Variants in MITF observed in about 807,000 individuals in gnomAD.
The protein encoded by MITF is microphthalmia-associated transcription factor.
In MITF, 17 loss-of-function variants were observed where a neutral mutation model predicts 60.5. The ratio of observed to expected loss-of-function variants is 0.28; its 90% confidence interval spans 0.19 to 0.42. MITF has a LOEUF of 0.42. Ranked by LOEUF, MITF falls within the 10% of genes least tolerant of loss-of-function variation. The pLI is 1.00. For missense variants in MITF, 622 were observed against 683.5 expected (o/e 0.91, Z 1.00); for synonymous variants, 260 against 248.5 (o/e 1.05, Z -0.43).
chr3:69,967,876 G>A lies in MITF; in HGVS notation c.*2628G>A, dbSNP rs2066729530. On this transcript the variant is annotated 3_prime_UTR_variant, in exon 10 of 10. Coordinates refer to ENST00000352241, the MANE Select transcript of MITF (RefSeq NM_001354604.2). ...ACTCGGGGTTGGGCCTCTATATGGAGTGACCAAAATGCCAAAATTGTCCAT... is the reference window on the plus strand; with the variant it reads ...ACTCGGGGTTGGGCCTCTATATGGAATGACCAAAATGCCAAAATTGTCCAT... 1 of 233,268 alleles carries A rather than the reference G, an allele frequency of 4.3e-6. No individual in the cohort carries two copies. The highest frequency in any genetic ancestry group is 8.5e-6 in the Non-Finnish European group (1 of 117,946). 14.4% of individuals were successfully genotyped at this position (233,268 alleles called of 1,614,324 possible). A position where few individuals can be genotyped will look rare whatever the true frequency, so the allele number is the denominator to read the frequency against.
chr3:69,883,265 A>G (rs2064530322), intron 2 of MITF, among the ~76,000 whole-genome samples: 1 of 152,206 alleles, frequency 6.6e-6, no homozygotes, highest in Non-Finnish European at 1.5e-5. Flanking sequence ...TGTTTGTCAA[A>G]TACAGAAGCA....
chr3:69,864,324 T>C (rs1256244297), intron 1 of MITF, among the ~76,000 whole-genome samples: 2 of 152,166 alleles, frequency 1.3e-5, no homozygotes, highest in Admixed American at 1.3e-4. Flanking sequence ...GTGGGATAGG[T>C]TAGTAAGATA....
intron 1 of MITF, chr3:69,866,474 T>G: frequency 3.5e-6 from 4 of 1,158,256 alleles, no homozygotes; most frequent in South Asian, 1.5e-5. Flanking sequence ...AGCTGTTACT[T>G]CTCACTGGCT....
chr3:69,919,932 T>C (rs2065425294), intron 2 of MITF, among the ~76,000 whole-genome samples: 1 of 152,180 alleles, frequency 6.6e-6, no homozygotes, highest in Middle Eastern at 3.2e-3. Context: ...ACACCAGCTG[T>C]TCCAGTATAA....
chr3:69,886,175 C>T lies in MITF; in HGVS notation c.354+6792C>T, dbSNP rs373592372. Among the ~76,000 whole-genome samples, 102 of 152,172 alleles carry T rather than the reference C, an allele frequency of 6.7e-4. No homozygotes were observed. The South Asian group carries it at 0.019, about 28-fold the overall frequency. On this transcript the variant is annotated intron_variant, in intron 2 of 9. Coordinates refer to ENST00000352241, the MANE Select transcript of MITF (RefSeq NM_001354604.2). ...GCAATGTTCAGCCTCTCAAATGACA[C>T]GGTAGCTTGGGGCTTGTAGCAAATG...
intron 1 of MITF, among the ~76,000 whole-genome samples, chr3:69,774,222 A>G (rs2062438643): frequency 1.3e-5 from 2 of 152,188 alleles, no homozygotes; most frequent in Non-Finnish European, 2.9e-5. Context: ...GCTTTCTTCT[A>G]CAGCCCTGAG....
chr3:69,799,083 A>G (rs554236474), intron 1 of MITF, among the ~76,000 whole-genome samples: 122 of 152,310 alleles, frequency 8.0e-4, no homozygotes, highest in Middle Eastern at 3.4e-3. Flanking sequence ...CAACACACTC[A>G]TTTGTTGAGG....
chr3:69,966,580 A>G lies in MITF; in HGVS notation c.*1332A>G, dbSNP rs541164832. 2.6e-5 allele frequency: 6 copies of G among 233,174 alleles called. No homozygotes were observed. In the South Asian group the frequency reaches 1.1e-3, roughly 42 times the overall value. The allele number at this position is 233,174 out of a possible 1,614,324, so 14.4% of individuals were successfully genotyped here. A position where few individuals can be genotyped will look rare whatever the true frequency, so the allele number is the denominator to read the frequency against. On this transcript the variant is annotated 3_prime_UTR_variant, in exon 10 of 10. Coordinates refer to ENST00000352241, the MANE Select transcript of MITF (RefSeq NM_001354604.2). The stretch of plus-strand genomic sequence containing the variant: ...AAACTTGTTGAATTTATTTTTAAGA[A>G]AGAAATACTGTATTGGGAAGTTACT...
At chr3:69,871,918 A>G (rs2064246762) in intron 1 of MITF, among the ~76,000 whole-genome samples, 2 of 152,192 alleles carry the variant, frequency 1.3e-5, no homozygotes, top group Admixed American at 1.3e-4. Context: ...GCATCTTGCC[A>G]TGCCGTATTA....
intron 1 of MITF, among the ~76,000 whole-genome samples, chr3:69,794,175 A>G (rs2062790444): frequency 6.6e-6 from 1 of 152,180 alleles, no homozygotes; most frequent in East Asian, 1.9e-4. Flanking sequence ...CACTGAGGGA[A>G]ACTGCTGTTT....
rs770959510 is a variant in MITF at position 69,941,344 on chromosome 3, T to C, written c.762+13T>C. On this transcript the variant is annotated intron_variant, in intron 5 of 9. Transcript: ENST00000352241. ...AATGGCAAATACGGTATTGATAACCTTTTTTTAAGTAGAAAATCTTGAGGT... is the reference window on the plus strand; with the variant it reads ...AATGGCAAATACGGTATTGATAACCCTTTTTTAAGTAGAAAATCTTGAGGT... The C allele has an allele frequency of 1.1e-5, 17 of 1,538,666 alleles. No individual in the cohort carries two copies. Among genetic ancestry groups the C allele is most frequent in the Non-Finnish European group, 1.3e-5 (14 of 1,112,804 alleles).
chr3:69,869,036 G>A (rs113805291), intron 1 of MITF, among the ~76,000 whole-genome samples: 89 of 152,138 alleles, frequency 5.8e-4, no homozygotes, highest in African/African-American at 2.1e-3. Context: ...AGGAACTGTC[G>A]TAGATCCCTA....
intron 1 of MITF, among the ~76,000 whole-genome samples, chr3:69,802,231 G>A (rs1284689722): frequency 6.6e-6 from 1 of 152,082 alleles, no homozygotes; most frequent in African/African-American, 2.4e-5. Context: ...CTGGGTATAG[G>A]CCAGGGGTGC....
intron 1 of MITF, among the ~76,000 whole-genome samples, chr3:69,864,376 G>C (rs1454937980): frequency 6.6e-6 from 1 of 152,124 alleles, no homozygotes; most frequent in Admixed American, 6.5e-5. Flanking sequence ...CCAATACCTG[G>C]TACAGTACCT....
At chr3:69,953,910 G>A (rs1334942258) in intron 7 of MITF, among the ~76,000 whole-genome samples, 1 of 152,016 alleles carries the variant, frequency 6.6e-6, no homozygotes, top group Non-Finnish European at 1.5e-5. Context: ...GGGGAGAGAC[G>A]TGCTTGTCTC....
chr3:69,831,316 C>T (rs573078071), intron 1 of MITF, among the ~76,000 whole-genome samples: 4 of 152,274 alleles, frequency 2.6e-5, no homozygotes, highest in African/African-American at 7.2e-5. Flanking sequence ...AGAAAATCCT[C>T]GACAGGGTTA....
rs148433452 is a variant in MITF at position 69,849,603 on chromosome 3, C to G, written c.105-29531C>G. On this transcript the variant is annotated intron_variant, in intron 1 of 9. Transcript: ENST00000352241. ...CTTAGAAGGCTTGAGTAATTTCCCC[C>G]TGGGTGAATAGCTAATGAGAAATGG... Among the ~76,000 whole-genome samples the G allele has an allele frequency of 1.1e-3, 164 of 152,280 alleles. 1 individual carries two copies. Among genetic ancestry groups the G allele is most frequent in the African/African-American group, 3.5e-3 (147 of 41,574 alleles).
intron 1 of MITF, among the ~76,000 whole-genome samples, chr3:69,783,107 G>A (rs2062592367): frequency 1.3e-5 from 2 of 152,296 alleles, no homozygotes; most frequent in East Asian, 1.9e-4. Flanking sequence ...CCAGGAGGTG[G>A]AAATTCTGAT....
At chr3:69,919,026 G>A (rs925975857) in intron 2 of MITF, among the ~76,000 whole-genome samples, 5 of 151,860 alleles carry the variant, frequency 3.3e-5, no homozygotes, top group African/African-American at 7.3e-5. Context: ...GTCTCTTCTC[G>A]CTCGTTCTCT....
Sources: gnomAD v4.1 joint callset for allele counts (sites outside exome capture counted in the v4.1 genomes callset) on GRCh38, gnomAD v4.1.1 for gene constraint, MANE v1.5 for transcripts, NCBI Gene and HGNC (gene_info 2026-07-23, HGNC 2026-07-21) for gene names.